CTBP2: variants seen among roughly 807,000 people sequenced by gnomAD.
CTBP2 encodes the protein C-terminal-binding protein 2.
Under a neutral mutation model 80.3 loss-of-function variants are expected in CTBP2, and 30 were observed. The observed-to-expected ratio is 0.37, with a 90% CI of 0.28 to 0.51. The LOEUF (loss-of-function observed/expected upper bound fraction) is 0.51. Ranked by LOEUF, CTBP2 falls within the 20% of genes least tolerant of loss-of-function variation. The pLI, the probability that CTBP2 is intolerant of heterozygous loss-of-function variation, is 0.93. For synonymous variants in CTBP2, 594 were observed against 587.4 expected (o/e 1.01, Z -0.16); for missense variants, 1,212 against 1,375.3 (o/e 0.88, Z 1.88).
chr10:125,078,006 C>T (rs969277041), intron 2 of CTBP2, among the ~76,000 whole-genome samples: 2 of 152,286 alleles, frequency 1.3e-5, no homozygotes, highest in East Asian at 1.9e-4. Flanking sequence ...TCAGGCCGGG[C>T]GCGGTGGCTC....
intron 1 of CTBP2, among the ~76,000 whole-genome samples, chr10:125,159,265 T>C (rs1187188326): frequency 2.0e-5 from 3 of 149,764 alleles, no homozygotes; most frequent in Non-Finnish European, 3.0e-5. Flanking sequence ...TGCTAAACTT[T>C]TTCTTTTTGA....
chr10:125,071,120 G>A (rs1281705358), intron 2 of CTBP2, among the ~76,000 whole-genome samples: 1 of 152,094 alleles, frequency 6.6e-6, no homozygotes, highest in African/African-American at 2.4e-5. Flanking sequence ...CCCGAGCCGT[G>A]TGCCAGGGCT....
chr10:125,090,631 CA>C (rs1359850725), intron 2 of CTBP2, among the ~76,000 whole-genome samples: 2 of 151,844 alleles, frequency 1.3e-5, no homozygotes, highest in African/African-American at 4.8e-5. Flanking sequence ...GGCATGGTGG[CA>C]TATGCCTGCA....
intron 2 of CTBP2, among the ~76,000 whole-genome samples, chr10:125,110,067 C>T (rs74163336): frequency 0.092 from 14,018 of 152,262 alleles, 806 homozygotes; most frequent in African/African-American, 0.15. Context: ...AAGTCTCTAA[C>T]TGCCTCCAGC....
Position 125,064,590 on chromosome 10 carries a change from T to C in CTBP2, c.-101-25435A>G, listed in dbSNP as rs528750234. The stretch of plus-strand genomic sequence containing the variant: ...TTGTCCAAGTTTGCCTTATGTTCTA[T>C]TTATAGTCAGAGTGCGTGCTCTGAA... On this transcript the variant is annotated intron_variant, in intron 2 of 10. Coordinates refer to the CTBP2 transcript ENST00000337195. 9.2e-5 allele frequency among the ~76,000 whole-genome samples: 14 copies of C among 152,354 alleles called. No homozygotes were observed. In the East Asian group the frequency reaches 1.2e-3, roughly 13 times the overall value.
At position 124,997,953 on chromosome 10, in the gene CTBP2, G is replaced by A. The variant is rs73373188; in HGVS notation, c.2185+11C>T. 6.3e-3 allele frequency: 10,148 copies of A among 1,609,432 alleles called. 531 individuals are homozygous for A. The African/African-American group carries it at 0.12, about 19-fold the overall frequency. On this transcript the variant is annotated intron_variant, in intron 4 of 8. Coordinates refer to ENST00000309035, the MANE Select transcript of CTBP2 (RefSeq NM_022802.3). ...GAGGGGTTGGGGGTCAGCGCAGAGG[G>A]TGGCACGTACCAAAGCCAATGAGGC... is the stretch of plus-strand genomic sequence containing the variant.
intron 2 of CTBP2, among the ~76,000 whole-genome samples, chr10:125,065,292 G>C (rs112683036): frequency 0.019 from 2,947 of 152,264 alleles, 96 homozygotes; most frequent in African/African-American, 0.066. Flanking sequence ...CCCCCAACAA[G>C]AGCCTTGTTC....
At chr10:125,004,735 C>T (rs959775444) in intron 1 of CTBP2, among the ~76,000 whole-genome samples, 4 of 152,292 alleles carry the variant, frequency 2.6e-5, no homozygotes, top group South Asian at 2.1e-4. Flanking sequence ...TGAGGCTGGA[C>T]GGTCCAGGCC....
chr10:125,017,052 T>TAAG (rs1383769513), intron 1 of CTBP2, among the ~76,000 whole-genome samples: 11 of 152,126 alleles, frequency 7.2e-5, no homozygotes, highest in African/African-American at 2.7e-4. Context: ...AAAAATCCCT[T>TAAG]AATGCAATCC....
chr10:125,116,801 G>C (rs1291227856), intron 1 of CTBP2, among the ~76,000 whole-genome samples: 3 of 152,218 alleles, frequency 2.0e-5, no homozygotes. Flanking sequence ...ACATCCCATA[G>C]CAGATCCTCC....
chr10:125,091,501 A>C (rs1199005613), intron 2 of CTBP2, among the ~76,000 whole-genome samples: 1 of 152,162 alleles, frequency 6.6e-6, no homozygotes, highest in Non-Finnish European at 1.5e-5. Context: ...GGCCAGGTGC[A>C]GTGGCTCACA....
chr10:125,112,324 G>C (rs1852426525), intron 1 of CTBP2, among the ~76,000 whole-genome samples: 1 of 151,968 alleles, frequency 6.6e-6, no homozygotes, highest in Non-Finnish European at 1.5e-5. Context: ...CGTTGGTCAG[G>C]CTGGTCTTGA....
At chr10:125,050,757 T>C (rs934912956) in intron 2 of CTBP2, among the ~76,000 whole-genome samples, 18 of 152,138 alleles carry the variant, frequency 1.2e-4, no homozygotes, top group Non-Finnish European at 2.6e-4. Flanking sequence ...CACCACCCCA[T>C]TTTAACACTC....
intron 2 of CTBP2, among the ~76,000 whole-genome samples, chr10:125,099,794 G>A (rs538855899): frequency 6.6e-6 from 1 of 152,208 alleles, no homozygotes; most frequent in Non-Finnish European, 1.5e-5. Context: ...CAGCCAGTCT[G>A]GTCCAGGCTA....
intron 3 of CTBP2, among the ~76,000 whole-genome samples, chr10:125,034,393 T>A (rs1261014293): frequency 6.6e-6 from 1 of 152,246 alleles, no homozygotes; most frequent in African/African-American, 2.4e-5. Context: ...CCTGAACCTT[T>A]ACCTTTGCAT....
intron 1 of CTBP2, among the ~76,000 whole-genome samples, chr10:125,118,883 C>G (rs1358053220): frequency 6.6e-6 from 1 of 152,244 alleles, no homozygotes; most frequent in East Asian, 1.9e-4. Flanking sequence ...CATGGTTCCA[C>G]ACTGTAAGTG....
chr10:125,106,908 C>A (rs775652099), intron 2 of CTBP2, among the ~76,000 whole-genome samples: 1 of 152,230 alleles, frequency 6.6e-6, no homozygotes, highest in African/African-American at 2.4e-5. Flanking sequence ...CCCTGTGTGA[C>A]CCTGGACCCA....
intron 1 of CTBP2, among the ~76,000 whole-genome samples, chr10:125,156,733 G>A (rs1040357922): frequency 2.6e-5 from 4 of 152,120 alleles, no homozygotes; most frequent in African/African-American, 7.2e-5. Flanking sequence ...AAAGTTGTAG[G>A]TTGATTTTCT....
intron 1 of CTBP2, among the ~76,000 whole-genome samples, chr10:125,146,339 G>A (rs565887756): frequency 7.2e-5 from 11 of 151,728 alleles, no homozygotes; most frequent in African/African-American, 2.7e-4. Flanking sequence ...GGAGTGCAAT[G>A]GCACGATCTT....
Sources: allele counts gnomAD v4.1 joint callset (sites outside exome capture counted in the v4.1 genomes callset), GRCh38; gene constraint gnomAD v4.1.1; transcripts MANE v1.5; gene names NCBI Gene and HGNC (gene_info 2026-07-23, HGNC 2026-07-21).